PIEZO2: variants seen among roughly 807,000 people sequenced by gnomAD.
PIEZO2 encodes piezo type mechanosensitive ion channel component 2.
A neutral mutation model predicts 337.3 loss-of-function variants in PIEZO2; 172 were observed. That is an observed-to-expected ratio of 0.51 (90% CI 0.45 to 0.58). PIEZO2 has a LOEUF of 0.58. Ranked by LOEUF, PIEZO2 falls within the 20% of genes least tolerant of loss-of-function variation. The pLI is 0.00. For missense variants in PIEZO2, 3,028 were observed against 3,391.3 expected (o/e 0.89, Z 2.66); for synonymous variants, 1,251 against 1,228.5 (o/e 1.02, Z -0.38).
intron 4 of PIEZO2, among the ~76,000 whole-genome samples, chr18:10,876,347 C>T (rs1012394706): frequency 3.3e-5 from 5 of 152,170 alleles, no homozygotes; most frequent in African/African-American, 9.7e-5. Flanking sequence ...CATTTCTTAC[C>T]AGTTTCTTCT....
chr18:11,019,487 T>C (rs2036236323), intron 2 of PIEZO2, among the ~76,000 whole-genome samples: 1 of 152,218 alleles, frequency 6.6e-6, no homozygotes, highest in Non-Finnish European at 1.5e-5. Context: ...TAAACTCATC[T>C]CCAATTCTCA....
At chr18:10,801,360 C>A (rs781463516) in intron 10 of PIEZO2, 30 bp downstream of exon 10, 2 of 1,450,296 alleles carry the variant, frequency 1.4e-6, no homozygotes, top group Non-Finnish European at 1.9e-6. Context: ...CTTACACATG[C>A]ATAAATGATA....
intron 21 of PIEZO2, chr18:10,763,411 G>A: frequency 3.6e-6 from 1 of 277,886 alleles, no homozygotes; most frequent in Non-Finnish European, 6.7e-6. Context: ...GTCCAATGTG[G>A]AGGTCAGGAA....
At chr18:10,907,252 G>A (rs534819439) in intron 4 of PIEZO2, among the ~76,000 whole-genome samples, 16 of 152,138 alleles carry the variant, frequency 1.1e-4, no homozygotes, top group South Asian at 2.1e-4. Context: ...AGACTAGCCT[G>A]GCCAACACGG....
chr18:10,751,183 C>T (rs190950125), intron 28 of PIEZO2, among the ~76,000 whole-genome samples: 32 of 152,084 alleles, frequency 2.1e-4, no homozygotes, highest in Non-Finnish European at 4.1e-4. Context: ...ATGTGAATTC[C>T]TTGAGGGCAA....
intron 2 of PIEZO2, among the ~76,000 whole-genome samples, chr18:11,049,866 T>C (rs2037461555): frequency 6.6e-6 from 1 of 152,216 alleles, no homozygotes; most frequent in African/African-American, 2.4e-5. Context: ...TTCAGCTATG[T>C]CTTTATCAGC....
At position 10,905,753 on chromosome 18, in the gene PIEZO2, C is replaced by T. The variant is rs566685370; in HGVS notation, c.329+5433G>A. 2.3e-3 allele frequency among the ~76,000 whole-genome samples: 350 copies of T among 152,146 alleles called. 2 individuals are homozygous for T. The highest frequency in any genetic ancestry group is 7.1e-3 in the African/African-American group (296 of 41,506). On this transcript the variant is annotated intron_variant, in intron 4 of 55. Transcript: ENST00000674853. ...CGTAATGACAAAAAGACAGTGGGTC[C>T]TTTCTCTCTTGACTTTTTCCTAAGT...
chr18:10,687,825 G>T (rs900476356), intron 49 of PIEZO2, among the ~76,000 whole-genome samples: 3 of 152,184 alleles, frequency 2.0e-5, no homozygotes, highest in African/African-American at 7.2e-5. Flanking sequence ...GATGCAACCT[G>T]CAGGTGTCTG....
chr18:10,941,086 C>T (rs897820155), intron 3 of PIEZO2, among the ~76,000 whole-genome samples: 2 of 152,064 alleles, frequency 1.3e-5, no homozygotes, highest in African/African-American at 4.8e-5. Context: ...ACATCTTAAA[C>T]ATAAGGGACT....
chr18:10,994,972 T>G (rs1431799102), intron 2 of PIEZO2, among the ~76,000 whole-genome samples: 1 of 149,998 alleles, frequency 6.7e-6, no homozygotes, highest in Admixed American at 6.7e-5. Flanking sequence ...CTTGGGAGGC[T>G]GAGGCAGGAG....
In PIEZO2 at chr18:11,083,809, T is replaced by A. The variant is rs1223615402; in HGVS notation, c.65-17587A>T. Reference sequence around the variant, plus strand: ...GGAAAGCTTCCATGTGACAGCCAGCTGTATACTTGTTTGATATCAAAACAA... The same window carrying A: ...GGAAAGCTTCCATGTGACAGCCAGCAGTATACTTGTTTGATATCAAAACAA... On this transcript the variant is annotated intron_variant, in intron 1 of 55. Coordinates refer to ENST00000674853, the MANE Select transcript of PIEZO2 (RefSeq NM_001378183.1). This position sits in a 1 kb window ranked among gnomAD's most constrained non-coding sequence, Gnocchi z 4.4. 6.6e-6 allele frequency among the ~76,000 whole-genome samples: 1 copy of A among 152,218 alleles called. No homozygotes were observed. The highest frequency in any genetic ancestry group is 2.4e-5 in the African/African-American group (1 of 41,460).
At chr18:10,857,358 A>G in intron 5 of PIEZO2, 147 bp from the exon 6 acceptor site, 1 of 680,086 alleles carries the variant, frequency 1.5e-6, no homozygotes, top group South Asian at 1.9e-5. Context: ...CATTCCCCTC[A>G]GGTCTCTGAT....
At chr18:10,768,110 T>A (rs2038443579) in intron 21 of PIEZO2, among the ~76,000 whole-genome samples, 1 of 152,094 alleles carries the variant, frequency 6.6e-6, no homozygotes, top group Non-Finnish European at 1.5e-5. Context: ...AGGTGGATTT[T>A]AAGGAGATGT....
At chr18:10,986,981 C>T (rs192623457) in intron 2 of PIEZO2, among the ~76,000 whole-genome samples, 14 of 151,988 alleles carry the variant, frequency 9.2e-5, no homozygotes, top group South Asian at 2.1e-4. Context: ...AGAACAAATA[C>T]TTAGGTGTAA....
At chr18:11,121,521 G>A (rs533904263) in intron 1 of PIEZO2, among the ~76,000 whole-genome samples, 2 of 152,082 alleles carry the variant, frequency 1.3e-5, no homozygotes, top group Non-Finnish European at 2.9e-5. Flanking sequence ...AGTTATGATT[G>A]CACCTCTGCA....
At chr18:10,906,024 T>C (rs1028372010) in intron 4 of PIEZO2, among the ~76,000 whole-genome samples, 1 of 152,156 alleles carries the variant, frequency 6.6e-6, no homozygotes, top group Non-Finnish European at 1.5e-5. Flanking sequence ...TGGAAATTTC[T>C]TTATGACATA....
chr18:10,778,703 A>C (rs1044456163), intron 18 of PIEZO2, among the ~76,000 whole-genome samples: 1 of 152,178 alleles, frequency 6.6e-6, no homozygotes, highest in Non-Finnish European at 1.5e-5. Flanking sequence ...TAAAGATGGG[A>C]TATTGCAAGT....
chr18:10,831,455 A>G (rs1271111268), intron 7 of PIEZO2, among the ~76,000 whole-genome samples: 1 of 152,224 alleles, frequency 6.6e-6, no homozygotes, highest in Non-Finnish European at 1.5e-5. Flanking sequence ...TCTCACTCAC[A>G]TGTGGAGGCT....
intron 1 of PIEZO2, among the ~76,000 whole-genome samples, chr18:11,087,337 C>T (rs1240691709): frequency 6.6e-6 from 1 of 152,162 alleles, no homozygotes; most frequent in Non-Finnish European, 1.5e-5. Context: ...TGCACACTGT[C>T]AGATCTTGGA....
Sources: allele counts gnomAD v4.1 joint callset (sites outside exome capture counted in the v4.1 genomes callset), GRCh38; gene constraint gnomAD v4.1.1; non-coding constraint Gnocchi (gnomAD v3.1); transcripts MANE v1.5; gene names NCBI Gene and HGNC (gene_info 2026-07-23, HGNC 2026-07-21).